The following SGSH variants were observed in gnomAD, a reference collection of about 807,000 sequenced individuals.
The protein encoded by SGSH is N-sulfoglucosamine sulfohydrolase, also known as heparan sulfate sulfatase.
SGSH carries 48 observed loss-of-function variants against 51.0 expected under a neutral mutation model. The ratio of observed to expected loss-of-function variants is 0.94; its 90% CI spans 0.75 to 1.20. The LOEUF is 1.20. Ranked by LOEUF, SGSH falls within the 50% of genes most tolerant of loss-of-function variation. The probability of loss-of-function intolerance (pLI) is 0.00; values close to 1 mark genes in which losing one functional copy is unlikely to be tolerated. For synonymous variants in SGSH, 321 were observed against 313.4 expected (o/e 1.02, Z -0.26); for missense variants, 662 against 717.8 (o/e 0.92, Z 0.89).
downstream of SGSH, chr17:80,202,174 T>C (rs1188327051): frequency 1.2e-6 from 2 of 1,607,248 alleles, no homozygotes; most frequent in East Asian, 2.2e-5. Context: ...TGTCCCCTTT[T>C]ATCAGGTTAT....
chr17:80,210,963 T>C lies in SGSH; in HGVS notation c.998A>G (p.Tyr333Cys). The change falls in exon 8 of 8, where the codon TAC becomes TGC. Residue 333 changes from tyrosine (Y) to cysteine (C), a missense_variant. By Grantham distance (194) the Tyr-to-Cys change is radical (BLOSUM62 -2). Transcript: ENST00000326317. ...LDWFSIPYPSYAIFGSKTIHL... is the reference protein window; with the variant it reads ...LDWFSIPYPSCAIFGSKTIHL... ...GATGGTCTTCGAGCCAAAGATGGCGTAGCTGGGGTACGGGATCGAGAACCA... is the reference window on the plus strand; with the variant it reads ...GATGGTCTTCGAGCCAAAGATGGCGCAGCTGGGGTACGGGATCGAGAACCA... 3 of 1,601,722 alleles carry C rather than the reference T, an allele frequency of 1.9e-6. No individual in the cohort carries two copies. Among genetic ancestry groups the C allele is most frequent in the Non-Finnish European group, 2.5e-6 (3 of 1,179,846 alleles).
intron 5 of SGSH, 73 bp downstream of exon 5, chr17:80,214,099 C>T: frequency 6.5e-7 from 1 of 1,537,418 alleles, no homozygotes; most frequent in Non-Finnish European, 8.8e-7. Context: ...GCCAGGGCTG[C>T]AAGCTCGTAG....
intron 1 of SGSH, among the ~76,000 whole-genome samples, chr17:80,219,506 G>A (rs934931149): frequency 2.0e-5 from 3 of 152,338 alleles, no homozygotes; most frequent in East Asian, 1.9e-4. Context: ...TCTGGGAGGC[G>A]AGGAGTTGGC....
Position 80,212,879 on chromosome 17 carries a change from C to A in SGSH, c.746-605G>T, listed in dbSNP as rs532635377. 3.6e-5 allele frequency: 6 copies of A among 166,810 alleles called. No individual in the cohort carries two copies. In the South Asian group the frequency reaches 8.9e-4, roughly 25 times the overall value. The allele number at this position is 166,810 out of a possible 1,614,324, so 10.3% of individuals were successfully genotyped here. A position where few individuals can be genotyped will look rare whatever the true frequency, so the allele number is the denominator to read the frequency against. ...TGAAGTGCTCAGGTAGGCCCTAAAC[C>A]CGACGGGGTCCTTATAAGAAGCGGA... On this transcript the variant is annotated intron_variant, in intron 6 of 7. Transcript: ENST00000326317. This position sits in a 1 kb window ranked among gnomAD's most constrained non-coding sequence, Gnocchi z 5.9.
In SGSH at chr17:80,215,048, C is replaced by T; in HGVS notation, c.340G>A (p.Ala114Thr). The T allele has an allele frequency of 1.2e-6, 2 of 1,611,334 alleles. No homozygotes were observed. The highest frequency in any genetic ancestry group is 2.2e-5 in the South Asian group (2 of 91,088). The change falls in exon 3 of 8, where the codon GCT becomes ACT. Residue 114 changes from alanine to threonine, a missense_variant. Physicochemically the swap from Ala to Thr is moderately conservative, Grantham distance 58 (BLOSUM62 0). Coordinates refer to ENST00000326317, the MANE Select transcript of SGSH (RefSeq NM_000199.5). Reference protein sequence around the residue: ...VRSLPLLLSQAGVRTGIIGKK... With the variant: ...VRSLPLLLSQTGVRTGIIGKK... ...GGGTCCTCACCTGTGCGCACACCAG[C>T]TTGGCTGAGCAGCAGCGGCAGGCTC... is the stretch of plus-strand genomic sequence containing the variant.
At chr17:80,214,967 C>G in intron 3 of SGSH, 66 bp downstream of exon 3, 1 of 1,452,920 alleles carries the variant, frequency 6.9e-7, no homozygotes, top group Non-Finnish European at 9.5e-7. Context: ...AGGTGCCGAA[C>G]CTCCTGGGCT....
chr17:80,209,344 C>T lies in SGSH; in HGVS notation c.*1108G>A. The T allele has an allele frequency of 1.6e-5, 16 of 985,362 alleles. No individual in the cohort carries two copies. Among genetic ancestry groups the T allele is most frequent in the Non-Finnish European group, 1.9e-5 (16 of 829,868 alleles). 61.0% of individuals were successfully genotyped at this position (985,362 alleles called of 1,614,324 possible). A position where few individuals can be genotyped will look rare whatever the true frequency, so the allele number is the denominator to read the frequency against. Reference sequence around the variant, plus strand: ...AGCTTTTACAATAGCTGGCCTGTGGCCTCCTCCAGCCCACCCCAGTATGGA... The same window carrying T: ...AGCTTTTACAATAGCTGGCCTGTGGTCTCCTCCAGCCCACCCCAGTATGGA... On this transcript the variant is annotated 3_prime_UTR_variant, in exon 8 of 8. Transcript: ENST00000326317.
chr17:80,211,993 G>A (rs549728974), intron 7 of SGSH, 78 bp downstream of exon 7: 27 of 1,173,778 alleles, frequency 2.3e-5, no homozygotes, highest in African/African-American at 1.5e-4. Flanking sequence ...AATGGGTGTG[G>A]AGCAGCATCT....
At chr17:80,202,699 T>G, downstream of SGSH, 1 of 1,009,780 alleles carries the variant, frequency 9.9e-7, no homozygotes, top group Non-Finnish European at 1.3e-6. Context: ...TGGGGCTGGA[T>G]CCCCGTCTGT....
downstream of SGSH, chr17:80,205,241 A>AC: frequency 6.4e-7 from 1 of 1,552,460 alleles, no homozygotes; most frequent in Non-Finnish European, 8.8e-7. Flanking sequence ...TACCCCTTCC[A>AC]CCTTCCCTCC....
downstream of SGSH, chr17:80,204,842 C>T (rs967379264): frequency 3.1e-5 from 17 of 552,982 alleles, no homozygotes; most frequent in Non-Finnish European, 4.5e-5. Context: ...GTGTAACCCC[C>T]GTGCAAAGGA....
rs104894640 is a variant in SGSH, at chr17:80,210,856, C to G, written c.1105G>C (p.Glu369Gln). The change falls in exon 8 of 8, where the codon GAG (glutamate) becomes CAG (glutamine). Residue 369 changes from glutamate (E) to glutamine (Q), a missense_variant. By Grantham distance (29) the Glu-to-Gln change is conservative. Coordinates refer to ENST00000326317, the MANE Select transcript of SGSH (RefSeq NM_000199.5). Reference sequence around the variant, plus strand: ...CGCATGGGGTAGGACATGGTGACCTCGTGGTGGCTCTGGCTGCCAAAGACG... The same window carrying G: ...CGCATGGGGTAGGACATGGTGACCTGGTGGTGGCTCTGGCTGCCAAAGACG... ...ATVFGSQSHH[E>Q]VTMSYPMRSV... 6.2e-7 allele frequency: 1 copy of G among 1,613,622 alleles called. No individual in the cohort carries two copies. Among genetic ancestry groups the G allele is most frequent in the East Asian group, 2.2e-5 (1 of 44,882 alleles).
chr17:80,208,152 G>A (rs74000616), downstream of SGSH: 1,195 of 1,543,884 alleles, frequency 7.7e-4, 9 homozygotes, highest in African/African-American at 0.014. Context: ...GGCCTACAGC[G>A]GTTGGGCACC....
downstream of SGSH, chr17:80,204,504 A>G: frequency 1.6e-6 from 1 of 607,398 alleles, no homozygotes; most frequent in Admixed American, 3.4e-5. Flanking sequence ...CACACCTGTA[A>G]TCCCAGATAC....
Position 80,213,951 on chromosome 17 carries a change from C to T in SGSH, c.664-66G>A, listed in dbSNP as rs1468855746. ...CCGGGGGAGCGGTGTCCAGCCTTCT[C>T]CCCGGGGCCTCCTGCAAATGGGTTA... On this transcript the variant is annotated intron_variant, in intron 5 of 7. Coordinates refer to ENST00000326317, the MANE Select transcript of SGSH (RefSeq NM_000199.5). This position sits in a 1 kb window ranked among gnomAD's most constrained non-coding sequence, Gnocchi z 4.6. 2 of 1,481,442 alleles carry T rather than the reference C, an allele frequency of 1.4e-6. No individual in the cohort carries two copies. Among genetic ancestry groups the T allele is most frequent in the African/African-American group, 1.4e-5 (1 of 72,982 alleles). The allele number at this position is 1,481,442 out of a possible 1,614,324, so 91.8% of individuals were successfully genotyped here.
downstream of SGSH, chr17:80,203,669 G>A (rs769168487): frequency 3.4e-6 from 2 of 581,240 alleles, no homozygotes; most frequent in Non-Finnish European, 3.1e-6. The surrounding 1 kb of genome is among the most constrained non-coding windows in gnomAD (Gnocchi z 4.6). Flanking sequence ...AGGATGGAGC[G>A]CTCCAGCCTG....
chr17:80,205,455 A>G (rs1480798771), downstream of SGSH: 3 of 1,531,224 alleles, frequency 2.0e-6, no homozygotes, highest in African/African-American at 1.4e-5. Context: ...TCACGGGGAC[A>G]GGGGTGTTTA....
downstream of SGSH, chr17:80,205,564 G>A (rs1471135247): frequency 6.3e-6 from 10 of 1,582,592 alleles, 1 homozygote; most frequent in South Asian, 1.0e-4. Flanking sequence ...GAGGCCTGGA[G>A]CCAGAGAGGG....
At chr17:80,214,374 C>T (rs768899983) in intron 4 of SGSH, 46 bp from the exon 5 acceptor site, 34 of 1,596,394 alleles carry the variant, frequency 2.1e-5, no homozygotes, top group Middle Eastern at 1.7e-4. Flanking sequence ...GCCACTGCCA[C>T]GTGGCACAGG....
Sources: gnomAD v4.1 joint callset for allele counts (sites outside exome capture counted in the v4.1 genomes callset) on GRCh38, gnomAD v4.1.1 for gene constraint, Gnocchi (gnomAD v3.1) non-coding constraint, MANE v1.5 for transcripts, NCBI Gene and HGNC (gene_info 2026-07-23, HGNC 2026-07-21) for gene names.